DPP6: variants seen among roughly 807,000 people sequenced by gnomAD.
DPP6 encodes the protein dipeptidyl peptidase like 6, also known as A-type potassium channel modulatory protein DPP6.
DPP6 carries 69 observed loss-of-function variants against 122.6 expected under a neutral mutation model. The observed-to-expected ratio is 0.56, with a 90% CI of 0.46 to 0.69. The LOEUF (loss-of-function observed/expected upper bound fraction) is 0.69. Ranked by LOEUF, DPP6 falls within the 30% of genes least tolerant of loss-of-function variation. DPP6 has a pLI of 0.00. For synonymous variants in DPP6, 418 were observed against 433.1 expected, an observed-to-expected ratio of 0.97 and a Z score of 0.43; for missense variants, 928 against 1,116.9, an observed-to-expected ratio of 0.83 and a Z score of 2.41.
Position 154,694,193 on chromosome 7 carries a change from G to A in DPP6, c.762+24752G>A, listed in dbSNP as rs1016902274. ...GTAAGGGCACTAATCTCATTCGTGA[G>A]CGTTCTCCCCTCATGACGTGATCAT... On this transcript the variant is annotated intron_variant, in intron 7 of 25. Transcript: ENST00000377770. Among the ~76,000 whole-genome samples the A allele has an allele frequency of 2.0e-5, 3 of 152,146 alleles. No individual in the cohort carries two copies. In the South Asian group the frequency reaches 6.2e-4, roughly 32 times the overall value.
At chr7:154,135,651 C>T (rs536204276) in intron 1 of DPP6, among the ~76,000 whole-genome samples, 97 of 151,802 alleles carry the variant, frequency 6.4e-4, no homozygotes, top group African/African-American at 2.3e-3. Context: ...TCCCATGAGC[C>T]CCCCTTCCTC....
At chr7:153,905,019 C>T (rs1799790768) in intron 1 of DPP6, among the ~76,000 whole-genome samples, 1 of 152,206 alleles carries the variant, frequency 6.6e-6, no homozygotes, top group South Asian at 2.1e-4. Context: ...GATCTAATGC[C>T]AATACAGTGA....
At chr7:154,508,542 C>T (rs182821569) in intron 3 of DPP6, among the ~76,000 whole-genome samples, 11 of 152,268 alleles carry the variant, frequency 7.2e-5, no homozygotes, top group Non-Finnish European at 1.6e-4. Flanking sequence ...CATTAATTCA[C>T]AGTCAGTCAC....
At chr7:154,404,890 C>G (rs1456310987) in intron 1 of DPP6, among the ~76,000 whole-genome samples, 2 of 151,960 alleles carry the variant, frequency 1.3e-5, no homozygotes, top group African/African-American at 4.8e-5. Flanking sequence ...AAAAATGCAC[C>G]AGTATGTTTA....
chr7:154,344,237 C>G (rs532442175), intron 1 of DPP6, among the ~76,000 whole-genome samples: 2 of 152,134 alleles, frequency 1.3e-5, no homozygotes, highest in Admixed American at 1.3e-4. Context: ...TTCTAACACC[C>G]GCTTCTTACC....
At chr7:153,787,101 A>G in the DPP6 span, among the ~76,000 whole-genome samples, 4 of 142,692 alleles carry the variant, frequency 2.8e-5, no homozygotes, top group South Asian at 2.4e-4. Context: ...ACAGGTGCCC[A>G]CGACCACGCC....
chr7:153,815,674 C>T, the DPP6 span, among the ~76,000 whole-genome samples: 1 of 152,080 alleles, frequency 6.6e-6, no homozygotes, highest in East Asian at 1.9e-4. Flanking sequence ...AGTCCTTTGT[C>T]AGAAAAAGAT....
intron 1 of DPP6, among the ~76,000 whole-genome samples, chr7:153,940,720 G>T (rs1374782255): frequency 6.6e-6 from 1 of 152,126 alleles, no homozygotes; most frequent in Non-Finnish European, 1.5e-5. Context: ...AGAGAAGAGA[G>T]CCCACCTGGG....
chr7:153,912,902 C>T (rs752410558), intron 1 of DPP6, among the ~76,000 whole-genome samples: 4 of 152,066 alleles, frequency 2.6e-5, no homozygotes, highest in Non-Finnish European at 4.4e-5. Context: ...AAATAGTAAA[C>T]CTCTGAAATA....
chr7:154,775,077 C>T (rs1796479279), intron 10 of DPP6, among the ~76,000 whole-genome samples: 1 of 152,120 alleles, frequency 6.6e-6, no homozygotes, highest in Non-Finnish European at 1.5e-5. Context: ...CTGCCTTTTC[C>T]CCCTCCAGTT....
chr7:153,836,371 G>C, the DPP6 span, among the ~76,000 whole-genome samples: 1 of 152,094 alleles, frequency 6.6e-6, no homozygotes, highest in African/African-American at 2.4e-5. Flanking sequence ...GAAGAAGAGT[G>C]CATCCCAGAC....
chr7:154,146,605 T>C (rs1796095737), intron 1 of DPP6, among the ~76,000 whole-genome samples: 1 of 152,270 alleles, frequency 6.6e-6, no homozygotes, highest in African/African-American at 2.4e-5. Flanking sequence ...AGGGCAATTG[T>C]CTGGCTCAGA....
intron 5 of DPP6, among the ~76,000 whole-genome samples, chr7:154,625,957 C>T (rs1209252313): frequency 6.6e-6 from 1 of 152,080 alleles, no homozygotes; most frequent in Non-Finnish European, 1.5e-5. Context: ...GAGTCAGCAG[C>T]AAGGTCTGAC....
At chr7:154,558,194 T>A (rs1413148362) in intron 4 of DPP6, among the ~76,000 whole-genome samples, 1 of 152,086 alleles carries the variant, frequency 6.6e-6, no homozygotes, top group Non-Finnish European at 1.5e-5. Flanking sequence ...TAAGAACATG[T>A]GGTGTTTGAA....
intron 20 of DPP6, among the ~76,000 whole-genome samples, chr7:154,878,400 G>A (rs1209391945): frequency 1.3e-5 from 2 of 152,226 alleles, no homozygotes; most frequent in Non-Finnish European, 2.9e-5. Context: ...GAATGGGAGC[G>A]TGTGGACAAC....
intron 1 of DPP6, among the ~76,000 whole-genome samples, chr7:153,895,490 C>T (rs979994856): frequency 6.6e-6 from 1 of 152,192 alleles, no homozygotes; most frequent in Non-Finnish European, 1.5e-5. Context: ...ACCTTCCATG[C>T]CAGAACAAAT....
At chr7:154,762,479 G>A (rs1025337089) in intron 8 of DPP6, among the ~76,000 whole-genome samples, 1 of 152,232 alleles carries the variant, frequency 6.6e-6, no homozygotes, top group African/African-American at 2.4e-5. Context: ...CTTGGGAAGA[G>A]GCTTCTGATG....
At chr7:154,210,361 C>T (rs1799675588) in intron 1 of DPP6, among the ~76,000 whole-genome samples, 1 of 152,202 alleles carries the variant, frequency 6.6e-6, no homozygotes, top group African/African-American at 2.4e-5. Flanking sequence ...TCATCCAACA[C>T]TGTGTTAGTG....
At chr7:154,420,852 A>G (rs144291012) in intron 1 of DPP6, among the ~76,000 whole-genome samples, 1,551 of 152,298 alleles carry the variant, frequency 0.01, 19 homozygotes, top group Middle Eastern at 0.041. Context: ...CCAAAAAATC[A>G]TTATGCAAAA....
Sources: allele counts gnomAD v4.1 joint callset (sites outside exome capture counted in the v4.1 genomes callset), GRCh38; gene constraint gnomAD v4.1.1; transcripts MANE v1.5; gene names NCBI Gene and HGNC (gene_info 2026-07-23, HGNC 2026-07-21).